The following FSTL4 variants were observed in gnomAD, a reference collection of about 807,000 sequenced individuals.
The protein encoded by FSTL4 is follistatin like 4, also known as follistatin-related protein 4.
A neutral mutation model predicts 78.2 loss-of-function variants in FSTL4; 28 were observed. That is an observed-to-expected ratio of 0.36 (90% confidence interval 0.27 to 0.49). The LOEUF is 0.49. Among genes scored for constraint, FSTL4 ranks in the 20% least tolerant of loss-of-function variants. The pLI is 0.98. For synonymous variants in FSTL4, 422 were observed against 440.5 expected (o/e 0.96, Z 0.53); for missense variants, 922 against 1,084.9 (o/e 0.85, Z 2.11).
At chr5:133,212,360 TCA>T (rs1319015540) in intron 13 of FSTL4, among the ~76,000 whole-genome samples, 11 of 152,182 alleles carry the variant, frequency 7.2e-5, no homozygotes, top group Non-Finnish European at 1.3e-4. Context: ...ACAGAATTTT[TCA>T]CAGTCTCAAT....
Position 133,197,120 on chromosome 5 carries a change from G to C in FSTL4, c.*1975C>G, listed in dbSNP as rs918768455. The C allele has an allele frequency of 6.6e-6, 1 of 152,250 alleles. No individual in the cohort carries two copies. The highest frequency in any genetic ancestry group is 1.9e-4 in the East Asian group (1 of 5,184). 9.4% of individuals were successfully genotyped at this position (152,250 alleles called of 1,614,324 possible). A position where few individuals can be genotyped will look rare whatever the true frequency, so the allele number is the denominator to read the frequency against. ...GCTGCCCAGAGGGGCTCGTGTTCTG[G>C]TCTGGTAGTTGGTGGGACTTTTCCT... On this transcript the variant is annotated 3_prime_UTR_variant, in exon 16 of 16. Transcript: ENST00000265342.
At chr5:133,738,842 G>C in the FSTL4 span, among the ~76,000 whole-genome samples, 5 of 152,156 alleles carry the variant, frequency 3.3e-5, no homozygotes, top group Admixed American at 2.0e-4. Flanking sequence ...GAAAAATGGA[G>C]ATTTTACTTC....
chr5:133,539,558 AC>A (rs35503275), intron 3 of FSTL4, among the ~76,000 whole-genome samples: 63,222 of 151,852 alleles, frequency 0.42, 13,641 homozygotes, highest in African/African-American at 0.52. Flanking sequence ...TGTGAGGCAC[AC>A]ATCAGGTGCT....
intron 3 of FSTL4, among the ~76,000 whole-genome samples, chr5:133,436,368 G>A (rs1331805566): frequency 6.6e-6 from 1 of 152,154 alleles, no homozygotes; most frequent in African/African-American, 2.4e-5. Flanking sequence ...TGCTCCAGAT[G>A]GAGGATGACC....
At chr5:133,552,349 C>T (rs190360375) in intron 3 of FSTL4, among the ~76,000 whole-genome samples, 4 of 152,288 alleles carry the variant, frequency 2.6e-5, no homozygotes, top group Admixed American at 2.6e-4. Context: ...CTTAGTCTCG[C>T]TATGAGGAAT....
intron 3 of FSTL4, among the ~76,000 whole-genome samples, chr5:133,475,152 T>A (rs1757903723): frequency 6.6e-6 from 1 of 152,202 alleles, no homozygotes; most frequent in Non-Finnish European, 1.5e-5. Context: ...CATGTCTCAG[T>A]TAGGAACTAA....
intron 3 of FSTL4, among the ~76,000 whole-genome samples, chr5:133,450,783 C>A (rs1489768620): frequency 2.6e-5 from 4 of 152,162 alleles, no homozygotes; most frequent in African/African-American, 7.2e-5. Flanking sequence ...CAGAGTCTAC[C>A]GGCACCTTTT....
intron 2 of FSTL4, among the ~76,000 whole-genome samples, chr5:133,591,958 G>A (rs978107628): frequency 1.1e-4 from 16 of 152,128 alleles, no homozygotes; most frequent in Admixed American, 5.2e-4. Flanking sequence ...CCACCAAAGC[G>A]TCCCTGATGA....
In FSTL4 at chr5:133,324,757, G is replaced by C. The variant is rs1203327054; in HGVS notation, c.410-8105C>G. ...GCAGGTGGGCTTGGAGAGTGGCTACGGCCCTGCCCTGAAGAGGAGACAATC... is the reference window on the plus strand; with the variant it reads ...GCAGGTGGGCTTGGAGAGTGGCTACCGCCCTGCCCTGAAGAGGAGACAATC... On this transcript the variant is annotated intron_variant, in intron 4 of 15. Transcript: ENST00000265342. 5.3e-5 allele frequency among the ~76,000 whole-genome samples: 8 copies of C among 152,346 alleles called. No individual in the cohort carries two copies. In the South Asian group the frequency reaches 1.4e-3, roughly 28 times the overall value.
At chr5:133,307,317 T>G (rs1342990062) in intron 6 of FSTL4, among the ~76,000 whole-genome samples, 1 of 152,178 alleles carries the variant, frequency 6.6e-6, no homozygotes, top group South Asian at 2.1e-4. Context: ...GCTTGAAGTT[T>G]AGGGAAATCA....
At chr5:133,775,138 C>G in the FSTL4 span, among the ~76,000 whole-genome samples, 1 of 152,182 alleles carries the variant, frequency 6.6e-6, no homozygotes, top group Non-Finnish European at 1.5e-5. Context: ...TTGATCAAGA[C>G]AAGTTTCTAT....
chr5:133,324,442 C>T (rs1401566654), intron 4 of FSTL4, among the ~76,000 whole-genome samples: 1 of 152,264 alleles, frequency 6.6e-6, no homozygotes, highest in African/African-American at 2.4e-5. Context: ...TACTCTCTCA[C>T]TGCAAGGTGT....
At chr5:133,541,606 G>T (rs1199820690) in intron 3 of FSTL4, among the ~76,000 whole-genome samples, 1 of 152,160 alleles carries the variant, frequency 6.6e-6, no homozygotes, top group Admixed American at 6.5e-5. Context: ...GGCTAGCTTT[G>T]AAACATACAA....
intron 4 of FSTL4, among the ~76,000 whole-genome samples, chr5:133,347,311 G>A (rs1343293874): frequency 6.6e-6 from 1 of 152,100 alleles, no homozygotes; most frequent in African/African-American, 2.4e-5. Flanking sequence ...CCTGGGCAGC[G>A]TACAGGTGAC....
chr5:133,646,000 G>C, the FSTL4 span, among the ~76,000 whole-genome samples: 11 of 152,182 alleles, frequency 7.2e-5, no homozygotes, highest in African/African-American at 2.4e-4. Flanking sequence ...AAGCCCAGGA[G>C]ATGAATATAC....
At chr5:133,813,900 C>T in the FSTL4 span, among the ~76,000 whole-genome samples, 1 of 152,200 alleles carries the variant, frequency 6.6e-6, no homozygotes, top group Non-Finnish European at 1.5e-5. Flanking sequence ...AAACCAGTTG[C>T]ACAGGGTGAG....
intron 4 of FSTL4, among the ~76,000 whole-genome samples, chr5:133,359,884 A>C (rs1199750868): frequency 2.6e-5 from 4 of 152,144 alleles, no homozygotes; most frequent in African/African-American, 9.7e-5. Flanking sequence ...GGAGCCAAGG[A>C]GGCCAGGGCA....
In FSTL4 at chr5:133,212,278, T is replaced by G. The variant is rs369079049; in HGVS notation, c.1609-1980A>C. 4.9e-4 allele frequency among the ~76,000 whole-genome samples: 74 copies of G among 152,314 alleles called. 1 individual carries two copies. The highest frequency in any genetic ancestry group is 1.8e-3 in the African/African-American group (74 of 41,568). ...CTGCTTAACCTTCTCCCATTGGATT[T>G]CATACTCTTATTCTAAGGTGGTATG... On this transcript the variant is annotated intron_variant, in intron 13 of 15. Coordinates refer to ENST00000265342, the MANE Select transcript of FSTL4 (RefSeq NM_015082.2).
chr5:133,233,182 G>A (rs1751545855), intron 8 of FSTL4, among the ~76,000 whole-genome samples: 1 of 152,252 alleles, frequency 6.6e-6, no homozygotes, highest in East Asian at 1.9e-4. Context: ...AATGGCTCAC[G>A]CCATGGCACT....
Sources: allele counts gnomAD v4.1 joint callset (sites outside exome capture counted in the v4.1 genomes callset), GRCh38; gene constraint gnomAD v4.1.1; transcripts MANE v1.5; gene names NCBI Gene and HGNC (gene_info 2026-07-23, HGNC 2026-07-21).